AKT3: variants seen among roughly 807,000 people sequenced by gnomAD.
AKT3 encodes RAC-gamma serine/threonine-protein kinase.
AKT3 carries 15 observed loss-of-function variants against 65.3 expected under a neutral mutation model. The observed-to-expected ratio is 0.23, with a 90% CI of 0.15 to 0.35. The LOEUF is 0.35. AKT3 is among the 10% of genes least tolerant of loss of function. AKT3 has a pLI of 1.00. For synonymous variants in AKT3, 206 were observed against 183.8 expected, an observed-to-expected ratio of 1.12 and a Z score of -0.98; for missense variants, 243 against 576.5, an observed-to-expected ratio of 0.42 and a Z score of 5.92.
At chr1:243,689,465 A>G (rs951491645) in intron 3 of AKT3, among the ~76,000 whole-genome samples, 1 of 149,920 alleles carries the variant, frequency 6.7e-6, no homozygotes, top group African/African-American at 2.5e-5. Flanking sequence ...ATCTCTGTAT[A>G]TAATATTTAT....
At chr1:243,659,552 T>C (rs1385111243) in intron 4 of AKT3, among the ~76,000 whole-genome samples, 4 of 152,094 alleles carry the variant, frequency 2.6e-5, no homozygotes, top group Admixed American at 2.6e-4. Context: ...GTGTTAATGC[T>C]AGAGTACAGA....
At chr1:243,673,759 C>T (rs928492036) in intron 3 of AKT3, among the ~76,000 whole-genome samples, 1 of 151,888 alleles carries the variant, frequency 6.6e-6, no homozygotes, top group African/African-American at 2.4e-5. Flanking sequence ...GGACTACAGG[C>T]GTGCGCCACT....
chr1:243,811,557 G>C (rs1161588031), intron 2 of AKT3, among the ~76,000 whole-genome samples: 1 of 152,136 alleles, frequency 6.6e-6, no homozygotes, highest in African/African-American at 2.4e-5. Context: ...CCATGCTCAT[G>C]GATAGGAAGA....
intron 2 of AKT3, among the ~76,000 whole-genome samples, chr1:243,760,387 A>G (rs1169362314): frequency 1.4e-5 from 2 of 138,746 alleles, no homozygotes; most frequent in African/African-American, 2.7e-5. Context: ...TCAGCCTCCC[A>G]AAGTGCTGGG....
chr1:243,687,020 A>G (rs1056814940), intron 3 of AKT3, among the ~76,000 whole-genome samples: 11 of 151,980 alleles, frequency 7.2e-5, no homozygotes, highest in South Asian at 4.2e-4. Flanking sequence ...CATTAGCTCC[A>G]TTGTTCAAAG....
At chr1:243,653,206 T>C (rs1044413062) in intron 4 of AKT3, among the ~76,000 whole-genome samples, 7 of 152,142 alleles carry the variant, frequency 4.6e-5, no homozygotes, top group African/African-American at 1.4e-4. Context: ...CATCAGAGAA[T>C]ACTATAAACA....
intron 1 of AKT3, 23 bp from the exon 2 acceptor site, chr1:243,843,305 G>T (rs1392863091): frequency 4.3e-6 from 6 of 1,383,648 alleles, no homozygotes; most frequent in Non-Finnish European, 5.7e-6. Flanking sequence ...ATTGAAGAAA[G>T]AATTTTTTTT....
intron 10 of AKT3, among the ~76,000 whole-genome samples, chr1:243,555,281 G>T (rs1311617448): frequency 6.6e-6 from 1 of 152,062 alleles, no homozygotes; most frequent in African/African-American, 2.4e-5. Context: ...CAATTAGAAA[G>T]ATTTTTGTCC....
intron 2 of AKT3, among the ~76,000 whole-genome samples, chr1:243,758,162 C>A (rs577512708): frequency 5.9e-5 from 9 of 152,138 alleles, no homozygotes; most frequent in Non-Finnish European, 1.0e-4. Context: ...CTCTGACAGG[C>A]ACTGGGAGGA....
At chr1:243,786,749 G>A (rs142481958) in intron 2 of AKT3, among the ~76,000 whole-genome samples, 203 of 152,212 alleles carry the variant, frequency 1.3e-3, no homozygotes, top group Admixed American at 4.6e-3. Flanking sequence ...AATGCTGGAG[G>A]GTGATGGCAT....
chr1:243,787,290 T>C (rs1691328590), intron 2 of AKT3, among the ~76,000 whole-genome samples: 1 of 152,168 alleles, frequency 6.6e-6, no homozygotes. Context: ...CTGATAAAGG[T>C]AAAAATAAAT....
At chr1:243,592,381 G>A (rs1676297925) in intron 8 of AKT3, among the ~76,000 whole-genome samples, 1 of 150,560 alleles carries the variant, frequency 6.6e-6, no homozygotes, top group Non-Finnish European at 1.5e-5. Context: ...AAAACCCTAA[G>A]CCAAAGAACT....
intron 12 of AKT3, among the ~76,000 whole-genome samples, chr1:243,520,843 T>C (rs994939734): frequency 6.6e-6 from 1 of 152,240 alleles, no homozygotes; most frequent in Non-Finnish European, 1.5e-5. Flanking sequence ...CTTTCCACAC[T>C]GATCTTTTAT....
intron 3 of AKT3, among the ~76,000 whole-genome samples, chr1:243,665,651 T>G (rs1300783464): frequency 1.3e-5 from 2 of 152,202 alleles, no homozygotes; most frequent in Non-Finnish European, 2.9e-5. Flanking sequence ...TCGCTAGTCT[T>G]CAACAGTTAA....
chr1:243,816,580 T>C (rs1693535108), intron 2 of AKT3, among the ~76,000 whole-genome samples: 1 of 152,102 alleles, frequency 6.6e-6, no homozygotes, highest in South Asian at 2.1e-4. Flanking sequence ...GCATCTAAAA[T>C]GTAGGATACA....
chr1:243,742,853 C>CTTT (rs1180401247), intron 2 of AKT3, among the ~76,000 whole-genome samples: 1 of 142,902 alleles, frequency 7.0e-6, no homozygotes, highest in African/African-American at 2.6e-5. Flanking sequence ...TCCAGGGTAT[C>CTTT]TTTTTTTTTT....
chr1:243,694,381 A>G (rs1684922360), intron 3 of AKT3, among the ~76,000 whole-genome samples: 2 of 152,190 alleles, frequency 1.3e-5, no homozygotes. Flanking sequence ...GGTTTAAAAA[A>G]TAATTTTCTA....
chr1:243,598,818 T>C (rs1432067676), intron 8 of AKT3, among the ~76,000 whole-genome samples: 1 of 152,222 alleles, frequency 6.6e-6, no homozygotes, highest in Non-Finnish European at 1.5e-5. Flanking sequence ...GGGTTTATTT[T>C]GTTTTATTAT....
At chr1:243,803,902 A>T (rs1231910181) in intron 2 of AKT3, among the ~76,000 whole-genome samples, 1 of 152,312 alleles carries the variant, frequency 6.6e-6, no homozygotes, top group South Asian at 2.1e-4. Context: ...AATTTACCAT[A>T]TAACTGGTGA....
Sources: gnomAD v4.1 joint callset for allele counts (sites outside exome capture counted in the v4.1 genomes callset) on GRCh38, gnomAD v4.1.1 for gene constraint, MANE v1.5 for transcripts, NCBI Gene and HGNC (gene_info 2026-07-23, HGNC 2026-07-21) for gene names.